SLC4A5: variants seen among roughly 807,000 people sequenced by gnomAD.
SLC4A5 encodes electrogenic sodium bicarbonate cotransporter 4.
Under a neutral mutation model 120.4 loss-of-function variants are expected in SLC4A5, and 96 were observed. The ratio of observed to expected loss-of-function variants is 0.80; its 90% CI spans 0.68 to 0.94. The LOEUF is 0.94. Among genes scored for constraint, SLC4A5 ranks in the 40% least tolerant of loss-of-function variants. The probability of loss-of-function intolerance (pLI) is 0.00; values close to 1 mark genes in which losing one functional copy is unlikely to be tolerated. For synonymous variants in SLC4A5, 550 were observed against 571.1 expected (o/e 0.96, Z 0.53); for missense variants, 1,259 against 1,459.5 (o/e 0.86, Z 2.24).
At chr2:74,250,474 A>C (rs761435992) in exon 17 of SLC4A5, 3 of 1,614,244 alleles carry the variant, frequency 1.9e-6, no homozygotes, top group Admixed American at 1.7e-5. Context: ...CTTGGGAACC[A>C]GGGCAACTTC....
intron 24 of SLC4A5, among the ~76,000 whole-genome samples, 173 bp from the exon 25 acceptor site, chr2:74,231,481 AC>A (rs1224213405): frequency 6.6e-6 from 1 of 152,160 alleles, no homozygotes; most frequent in Non-Finnish European, 1.5e-5. Flanking sequence ...ATGTGGGAAG[AC>A]AGGCGGCCCC....
chr2:74,309,645 A>G (rs1418289921), intron 6 of SLC4A5, among the ~76,000 whole-genome samples: 1 of 151,746 alleles, frequency 6.6e-6, no homozygotes, highest in Non-Finnish European at 1.5e-5. Context: ...TTTCCTACGC[A>G]TGAACATGAA....
At chr2:74,309,805 A>G (rs936802660) in intron 6 of SLC4A5, among the ~76,000 whole-genome samples, 7 of 151,418 alleles carry the variant, frequency 4.6e-5, no homozygotes, top group Non-Finnish European at 8.8e-5. Context: ...ACAGGTGCCC[A>G]CCACCACGCC....
chr2:74,288,148 T>C (rs982948834), intron 7 of SLC4A5, among the ~76,000 whole-genome samples: 2 of 152,176 alleles, frequency 1.3e-5, no homozygotes, highest in African/African-American at 4.8e-5. Flanking sequence ...TAAGATTTCA[T>C]ATAGAAATCC....
At chr2:74,232,471 G>T in exon 24 of SLC4A5, 1 of 1,613,742 alleles carries the variant, frequency 6.2e-7, no homozygotes, top group Non-Finnish European at 8.5e-7. Context: ...CCTCCTACCT[G>T]ACTCCCAGAA....
At chr2:74,249,557 G>C (rs927112076) in intron 17 of SLC4A5, among the ~76,000 whole-genome samples, 1 of 152,176 alleles carries the variant, frequency 6.6e-6, no homozygotes, top group Non-Finnish European at 1.5e-5. Flanking sequence ...CATGTGGTGA[G>C]GGCCACATGG....
exon 21 of SLC4A5, chr2:74,239,532 T>C: frequency 1.9e-6 from 3 of 1,613,922 alleles, no homozygotes; most frequent in Non-Finnish European, 2.5e-6. Flanking sequence ...TTAAGGAGGT[T>C]GTACTTGGAG....
At chr2:74,247,832 A>G (rs1417111561) in intron 18 of SLC4A5, among the ~76,000 whole-genome samples, 1 of 152,096 alleles carries the variant, frequency 6.6e-6, no homozygotes, top group Non-Finnish European at 1.5e-5. Context: ...AATTTTTTTT[A>G]AAGATCTTAT....
At chr2:74,239,681 G>A in intron 20 of SLC4A5, 146 bp from the exon 21 acceptor site, 2 of 718,988 alleles carry the variant, frequency 2.8e-6, no homozygotes, top group South Asian at 3.6e-5. Flanking sequence ...CTGGGGACGG[G>A]CTGGTTCAAG....
intron 8 of SLC4A5, among the ~76,000 whole-genome samples, chr2:74,273,013 ATGGC>A (rs950276550): frequency 2.0e-5 from 3 of 152,220 alleles, no homozygotes; most frequent in African/African-American, 4.8e-5. Flanking sequence ...GCAGTTTTCA[ATGGC>A]TGCATTAGGA....
chr2:74,322,028 C>T (rs996249755), intron 5 of SLC4A5, among the ~76,000 whole-genome samples: 8 of 151,942 alleles, frequency 5.3e-5, no homozygotes. Context: ...TTGCACGGAC[C>T]TTGAGACTTT....
intron 3 of SLC4A5, among the ~76,000 whole-genome samples, chr2:74,336,732 A>G (rs1358661336): frequency 6.6e-6 from 1 of 152,190 alleles, no homozygotes; most frequent in Non-Finnish European, 1.5e-5. Flanking sequence ...AAAATTATAA[A>G]ATCATAATAG....
At chr2:74,335,051 T>G (rs114225749) in intron 3 of SLC4A5, among the ~76,000 whole-genome samples, 89 of 152,292 alleles carry the variant, frequency 5.8e-4, no homozygotes, top group African/African-American at 1.9e-3. Context: ...AGGTCTGCAG[T>G]GGAGTCAGGC....
intron 7 of SLC4A5, chr2:74,290,377 T>C (rs1672118812): frequency 1.0e-5 from 10 of 985,178 alleles, no homozygotes; most frequent in African/African-American, 1.7e-5. Context: ...CTCACTTTTG[T>C]TTCCAGTTAA....
rs572093368 is a variant in SLC4A5 at position 74,334,543 on chromosome 2, G to A, written c.-220-366C>T. Among the ~76,000 whole-genome samples, 7 of 152,236 alleles carry A rather than the reference G, an allele frequency of 4.6e-5. No homozygotes were observed. The South Asian group carries it at 1.2e-3, about 27-fold the overall frequency. ...TCTGGTCATTAACTCTGCTTTATTTGTCTAAATGGCATTTCTATCCAAAAC... is the reference window on the plus strand; with the variant it reads ...TCTGGTCATTAACTCTGCTTTATTTATCTAAATGGCATTTCTATCCAAAAC... On this transcript the variant is annotated intron_variant, in intron 3 of 30. Transcript: ENST00000394019.
intron 5 of SLC4A5, among the ~76,000 whole-genome samples, chr2:74,320,201 G>C (rs1013891946): frequency 6.6e-6 from 1 of 151,952 alleles, no homozygotes; most frequent in East Asian, 1.9e-4. Context: ...GTTCCCAAAA[G>C]AGAGATAAAA....
intron 6 of SLC4A5, chr2:74,307,340 G>T: frequency 1.7e-6 from 1 of 583,166 alleles, no homozygotes; most frequent in Non-Finnish European, 3.2e-6. Context: ...TGGTAATCTG[G>T]GCTTGTAGGT....
At chr2:74,250,801 T>A (rs1670767325) in intron 16 of SLC4A5, 1 of 337,212 alleles carries the variant, frequency 3.0e-6, no homozygotes, top group Non-Finnish European at 5.5e-6. Context: ...CCATGGAGAA[T>A]GGAAGTCCTG....
intron 6 of SLC4A5, 100 bp downstream of exon 6, chr2:74,314,845 C>A: frequency 9.0e-7 from 1 of 1,105,556 alleles, no homozygotes. Context: ...GAAAAGGGAC[C>A]TGCTCCCTAG....
Sources: allele counts gnomAD v4.1 joint callset (sites outside exome capture counted in the v4.1 genomes callset), GRCh38; gene constraint gnomAD v4.1.1; transcripts MANE v1.5; gene names NCBI Gene and HGNC (gene_info 2026-07-23, HGNC 2026-07-21).